Variants in CHEK1 observed in about 807,000 individuals in gnomAD.
CHEK1 encodes serine/threonine-protein kinase Chk1.
A neutral mutation model predicts 60.2 loss-of-function variants in CHEK1; 32 were observed. That is an observed-to-expected ratio of 0.53 (90% CI 0.40 to 0.71). The LOEUF is 0.71. Among genes scored for constraint, CHEK1 ranks in the 30% least tolerant of loss-of-function variants. The pLI is 0.00. For synonymous variants in CHEK1, 179 were observed against 187.2 expected, an observed-to-expected ratio of 0.96 and a Z score of 0.36; for missense variants, 399 against 564.6, an observed-to-expected ratio of 0.71 and a Z score of 2.97.
At chr11:125,677,984 T>C, downstream of CHEK1, 2 of 1,613,514 alleles carry the variant, frequency 1.2e-6, no homozygotes, top group Non-Finnish European at 1.7e-6. Context: ...CGGAGAGGTG[T>C]TCACCTGAAG....
chr11:125,661,322 T>C (rs1008586100), downstream of CHEK1, among the ~76,000 whole-genome samples: 3 of 152,192 alleles, frequency 2.0e-5, no homozygotes, highest in South Asian at 4.1e-4. Context: ...GCTTAGTATT[T>C]TATTTTTGAG....
intron 13 of CHEK1, chr11:125,672,795 C>T (rs1942265834): frequency 1.9e-6 from 3 of 1,562,758 alleles, no homozygotes; most frequent in Non-Finnish European, 2.6e-6. Flanking sequence ...TGCTCAGTGT[C>T]TCCATGCAGG....
chr11:125,649,066 G>A (rs1941611989), intron 11 of CHEK1, among the ~76,000 whole-genome samples: 1 of 152,124 alleles, frequency 6.6e-6, no homozygotes, highest in Admixed American at 6.5e-5. Context: ...ATCCTCCTGA[G>A]TAGTGGGTAC....
At chr11:125,635,170 G>A (rs1941019532) in intron 6 of CHEK1, among the ~76,000 whole-genome samples, 1 of 151,944 alleles carries the variant, frequency 6.6e-6, no homozygotes, top group African/African-American at 2.4e-5. Flanking sequence ...TGTTGCCCAG[G>A]CTGGTCTTGA....
chr11:125,666,924 T>G (rs767667571), intron 13 of CHEK1, among the ~76,000 whole-genome samples: 1 of 151,804 alleles, frequency 6.6e-6, no homozygotes, highest in African/African-American at 2.4e-5. Flanking sequence ...GAATCTTGAT[T>G]TTTTTTTTCA....
chr11:125,655,146 A>G, intron 12 of CHEK1, 79 bp from the exon 13 acceptor site: 1 of 1,060,110 alleles, frequency 9.4e-7, no homozygotes, highest in Non-Finnish European at 1.4e-6. Flanking sequence ...TGTTACCACT[A>G]CAAAGAGATT....
chr11:125,659,758 C>T (rs925080328), downstream of CHEK1, among the ~76,000 whole-genome samples: 7 of 152,136 alleles, frequency 4.6e-5, no homozygotes, highest in African/African-American at 1.7e-4. Flanking sequence ...AAGTGCACTT[C>T]TGTGGTTTTT....
Position 125,632,179 on chromosome 11 carries a change from G to T in CHEK1, c.425-984G>T, listed in dbSNP as rs550730229. ...ATGTTAGTATGTATAGATATACCTT[G>T]TTGATTGTTTTCAAAACCTACCTCC... On this transcript the variant is annotated intron_variant, in intron 5 of 12. Transcript: ENST00000438015. Among the ~76,000 whole-genome samples the T allele has an allele frequency of 3.4e-4, 51 of 152,192 alleles. No homozygotes were observed. The South Asian group carries it at 0.01, about 30-fold the overall frequency.
chr11:125,635,824 A>G (rs947825409), intron 7 of CHEK1: 4 of 182,524 alleles, frequency 2.2e-5, no homozygotes, highest in Admixed American at 1.2e-4. Flanking sequence ...CTTTGTTGCA[A>G]ATACACTCGT....
chr11:125,627,696 T>G lies in CHEK1; in HGVS notation c.155T>G (p.Ile52Ser). Residue 52 changes from isoleucine (I) to serine (S), a missense_variant, in exon 3 of 13, where the codon ATT (isoleucine) becomes AGT (serine). Ile to Ser is a moderately radical substitution (Grantham distance 142). Transcript: ENST00000438015. ...MKRAVDCPENIKKEICINKML... is the reference protein window; with the variant it reads ...MKRAVDCPENSKKEICINKML... Reference sequence around the variant, plus strand: ...CGTGCCGTAGACTGTCCAGAAAATATTAAGAAAGAGATCTGTATCAATAAA... The same window carrying G: ...CGTGCCGTAGACTGTCCAGAAAATAGTAAGAAAGAGATCTGTATCAATAAA... 1 of 1,613,908 alleles carries G rather than the reference T, an allele frequency of 6.2e-7. No individual in the cohort carries two copies. Among genetic ancestry groups the G allele is most frequent in the Non-Finnish European group, 8.5e-7 (1 of 1,179,910 alleles).
chr11:125,632,800 C>T (rs1448326329), intron 5 of CHEK1, among the ~76,000 whole-genome samples: 1 of 152,256 alleles, frequency 6.6e-6, no homozygotes, highest in African/African-American at 2.4e-5. Flanking sequence ...TTCCTTCCTG[C>T]CCTCCACCCT....
intron 13 of CHEK1, among the ~76,000 whole-genome samples, chr11:125,670,242 A>G (rs929957648): frequency 1.3e-5 from 2 of 152,124 alleles, no homozygotes; most frequent in Non-Finnish European, 2.9e-5. Flanking sequence ...TTCGTATGGC[A>G]CTATTTTCCT....
downstream of CHEK1, chr11:125,676,370 T>A (rs1942506905): frequency 6.2e-7 from 1 of 1,614,050 alleles, no homozygotes; most frequent in Non-Finnish European, 8.5e-7. Context: ...TTCAAAGATC[T>A]TCTTTAACAT....
intron 5 of CHEK1, among the ~76,000 whole-genome samples, chr11:125,632,039 G>C (rs1178410709): frequency 6.6e-6 from 1 of 152,036 alleles, no homozygotes; most frequent in South Asian, 2.1e-4. Flanking sequence ...GACAGTGATG[G>C]CTTCTATCAA....
At chr11:125,648,695 G>A (rs930527967) in intron 11 of CHEK1, among the ~76,000 whole-genome samples, 5 of 150,820 alleles carry the variant, frequency 3.3e-5, no homozygotes, top group African/African-American at 1.2e-4. Context: ...GTCCTGGCTA[G>A]GACTTCCAAC....
chr11:125,627,573 A>G (rs765298244), intron 2 of CHEK1, 34 bp from the exon 3 acceptor site: 20 of 1,532,012 alleles, frequency 1.3e-5, no homozygotes, highest in Non-Finnish European at 1.8e-5. Context: ...GAAGAAATGG[A>G]ATTCTGTAAT....
intron 13 of CHEK1, among the ~76,000 whole-genome samples, chr11:125,667,209 A>C (rs1942115933): frequency 6.6e-6 from 1 of 151,898 alleles, no homozygotes; most frequent in African/African-American, 2.4e-5. Flanking sequence ...CTTTACATTC[A>C]TGTATACTCC....
chr11:125,638,714 T>G (rs1243382942), intron 8 of CHEK1, among the ~76,000 whole-genome samples: 1 of 152,280 alleles, frequency 6.6e-6, no homozygotes, highest in African/African-American at 2.4e-5. Flanking sequence ...CCATCTTCCT[T>G]TATGTCTCTC....
Position 125,655,310 on chromosome 11 carries a change from C to T in CHEK1, c.1421C>T (p.Pro474Leu). 2 of 1,609,960 alleles carry T rather than the reference C, an allele frequency of 1.2e-6. No individual in the cohort carries two copies. The highest frequency in any genetic ancestry group is 2.7e-5 in the African/African-American group (2 of 74,944). The change falls in exon 13 of 13, where the codon CCT becomes CTT. Residue 474 changes from proline (P) to leucine (L), a missense_variant. Around this residue, in one of 2 missense-constraint regions of CHEK1, gnomAD observed 29 missense variants for 69.8 expected, o/e 0.42. Coordinates refer to ENST00000438015, the MANE Select transcript of CHEK1 (RefSeq NM_001114122.3). ...DIVSSQKIWL[P>L]AT ...GTGAGCAGCCAGAAGATTTGGCTTC[C>T]TGCCACATGATCGGACCATCGGCTC...
Sources: gnomAD v4.1 joint callset for allele counts (sites outside exome capture counted in the v4.1 genomes callset) on GRCh38, gnomAD v4.1.1 for gene constraint, gnomAD v4.1.1 regional missense constraint, MANE v1.5 for transcripts, NCBI Gene and HGNC (gene_info 2026-07-23, HGNC 2026-07-21) for gene names.